TDRD5: variants seen among roughly 807,000 people sequenced by gnomAD.
The protein encoded by TDRD5 is tudor domain-containing protein 5.
TDRD5 carries 41 observed loss-of-function variants against 120.6 expected under a neutral mutation model. The observed-to-expected ratio is 0.34, with a 90% CI of 0.26 to 0.44. The LOEUF is 0.44. TDRD5 is among the 20% of genes least tolerant of loss of function. The pLI is 1.00. For synonymous variants in TDRD5, 430 were observed against 433.7 expected, an observed-to-expected ratio of 0.99 and a Z score of 0.11; for missense variants, 1,006 against 1,221.2, an observed-to-expected ratio of 0.82 and a Z score of 2.63.
intron 17 of TDRD5, 84 bp from the exon 18 acceptor site, chr1:179,690,612 T>C: frequency 1.3e-6 from 2 of 1,521,018 alleles, no homozygotes; most frequent in Non-Finnish European, 1.8e-6. Context: ...GTAACACATA[T>C]TAGTATAGAA....
At chr1:179,631,252 C>A (rs770700208) in intron 7 of TDRD5, among the ~76,000 whole-genome samples, 2 of 151,978 alleles carry the variant, frequency 1.3e-5, no homozygotes, top group African/African-American at 2.4e-5. Context: ...ACTAGCCAGG[C>A]GTGGTGGTGG....
chr1:179,592,572 C>T lies in TDRD5; in HGVS notation c.-14-30C>T, dbSNP rs774281000. On this transcript the variant is annotated intron_variant, in intron 1 of 17. Coordinates refer to ENST00000444136, the MANE Select transcript of TDRD5 (RefSeq NM_001199085.3). ...TAAATCTTTTTTCGTGGGTTTGCCC[C>T]CTTTTCCTCAGCTGCGTTTCTGTCT... 16 of 1,577,784 alleles carry T rather than the reference C, an allele frequency of 1.0e-5. No individual in the cohort carries two copies. In the South Asian group the frequency reaches 1.3e-4, roughly 13 times the overall value.
At chr1:179,689,757 C>T (rs954355234) in intron 17 of TDRD5, among the ~76,000 whole-genome samples, 1 of 152,188 alleles carries the variant, frequency 6.6e-6, no homozygotes, top group Non-Finnish European at 1.5e-5. Context: ...CAATGGCGGG[C>T]ACCCCTCCCC....
At chr1:179,668,064 A>C (rs1321697506) in intron 16 of TDRD5, among the ~76,000 whole-genome samples, 1 of 152,356 alleles carries the variant, frequency 6.6e-6, no homozygotes, top group East Asian at 1.9e-4. Context: ...TGTTAATGCC[A>C]GTTGACATCA....
chr1:179,597,077 G>C, intron 4 of TDRD5, among the ~76,000 whole-genome samples: 1 of 152,082 alleles, frequency 6.6e-6, no homozygotes, highest in East Asian at 1.9e-4. Flanking sequence ...TTTCACATGC[G>C]TGTTTGCCAT....
chr1:179,654,892 T>G (rs922316684), intron 14 of TDRD5, among the ~76,000 whole-genome samples: 3 of 152,216 alleles, frequency 2.0e-5, no homozygotes, highest in Non-Finnish European at 4.4e-5. Flanking sequence ...ATCCTGTGAC[T>G]TGGGGTGGTC....
At chr1:179,646,205 A>T (rs1458059665) in intron 11 of TDRD5, among the ~76,000 whole-genome samples, 1 of 152,226 alleles carries the variant, frequency 6.6e-6, no homozygotes, top group African/African-American at 2.4e-5. Context: ...TATTTTAATG[A>T]TTACTCTAGG....
At chr1:179,631,588 A>G (rs2102001958) in intron 7 of TDRD5, among the ~76,000 whole-genome samples, 1 of 152,306 alleles carries the variant, frequency 6.6e-6, no homozygotes, top group South Asian at 2.1e-4. Context: ...TTTAAAATAA[A>G]CTTTTAATTT....
At position 179,630,795 on chromosome 1, in the gene TDRD5, A is replaced by C. The variant is rs1209054614; in HGVS notation, c.1001A>C (p.Lys334Thr). The C allele has an allele frequency of 1.2e-6, 2 of 1,613,568 alleles. No homozygotes were observed. The highest frequency in any genetic ancestry group is 2.2e-5 in the South Asian group (2 of 90,992). ...EVIFKEQLSP[K>T]KLGFLNVTEL... ...ATTTTTAAAGAGCAACTATCACCAA[A>C]AAAATTAGGCTTCTTAAATGTGACA... The change falls in exon 7 of 18, where the codon AAA becomes ACA. Residue 334 changes from lysine to threonine, a missense_variant. By Grantham distance (78) the Lys-to-Thr change is moderately conservative (BLOSUM62 -1). This residue lies in a region of TDRD5 where 445 missense variants were observed against 515.5 expected (regional missense o/e 0.86). Transcript: ENST00000444136.
At chr1:179,594,522 T>C (rs757494231) in intron 3 of TDRD5, among the ~76,000 whole-genome samples, 3 of 152,252 alleles carry the variant, frequency 2.0e-5, no homozygotes, top group Non-Finnish European at 4.4e-5. Context: ...GCCCATCCAG[T>C]GAATTTCTGC....
At chr1:179,601,454 A>G (rs12565489) in intron 4 of TDRD5, among the ~76,000 whole-genome samples, 5,107 of 152,084 alleles carry the variant, frequency 0.034, 166 homozygotes, top group East Asian at 0.11. Flanking sequence ...AAGTCTTTGT[A>G]TCATTCTTAT....
At chr1:179,620,958 T>G in intron 5 of TDRD5, 77 bp from the exon 6 acceptor site, 1 of 1,150,534 alleles carries the variant, frequency 8.7e-7, no homozygotes, top group Non-Finnish European at 1.2e-6. Context: ...TTTGTTGTTA[T>G]TTGTTTATAT....
At chr1:179,665,087 T>C (rs1022914630) in intron 16 of TDRD5, among the ~76,000 whole-genome samples, 2 of 152,176 alleles carry the variant, frequency 1.3e-5, no homozygotes, top group African/African-American at 2.4e-5. Context: ...TGACAAGATA[T>C]TCAGATCCTT....
intron 17 of TDRD5, among the ~76,000 whole-genome samples, chr1:179,683,769 A>G (rs1160898271): frequency 6.6e-6 from 1 of 152,202 alleles, no homozygotes; most frequent in Non-Finnish European, 1.5e-5. Flanking sequence ...CAGAGTATTC[A>G]AGCAGCTACG....
At chr1:179,609,172 C>T (rs2101939806) in intron 4 of TDRD5, among the ~76,000 whole-genome samples, 1 of 152,176 alleles carries the variant, frequency 6.6e-6, no homozygotes, top group African/African-American at 2.4e-5. Context: ...TCACCAGGAA[C>T]CAAATTGGGT....
In TDRD5 at chr1:179,618,825, A is replaced by G. The variant is rs150750301; in HGVS notation, c.915+143A>G. On this transcript the variant is annotated intron_variant, in intron 5 of 17. Transcript: ENST00000444136. ...TAAGCAACAATTCTTTTAGACTAAG[A>G]AAAAGAAACAAAATACGTACTCCTA... 90 of 549,784 alleles carry G rather than the reference A, an allele frequency of 1.6e-4. No homozygotes were observed. The Middle Eastern group carries it at 1.6e-3, about 10-fold the overall frequency. The allele number at this position is 549,784 out of a possible 1,614,324, so 34.1% of individuals were successfully genotyped here. A position where few individuals can be genotyped will look rare whatever the true frequency, so the allele number is the denominator to read the frequency against.
intron 7 of TDRD5, 65 bp from the exon 8 acceptor site, chr1:179,634,392 T>C (rs1677641851): frequency 6.6e-7 from 1 of 1,513,540 alleles, no homozygotes; most frequent in Non-Finnish European, 8.9e-7. Flanking sequence ...TTAACAAATA[T>C]GCATAGGCTG....
rs185160884 is a variant in TDRD5, at chr1:179,624,210, G to T, written c.972+3119G>T. Reference sequence around the variant, plus strand: ...GATTATTTTGGTAGATGCAGAAAAAGAATTACCAAAATTTAATACCCATCC... The same window carrying T: ...GATTATTTTGGTAGATGCAGAAAAATAATTACCAAAATTTAATACCCATCC... On this transcript the variant is annotated intron_variant, in intron 6 of 17. Transcript: ENST00000444136. 2.7e-4 allele frequency among the ~76,000 whole-genome samples: 41 copies of T among 152,154 alleles called. No homozygotes were observed. The East Asian group carries it at 7.3e-3, about 27-fold the overall frequency.
At chr1:179,608,385 TG>T (rs2101937833) in intron 4 of TDRD5, among the ~76,000 whole-genome samples, 1 of 152,234 alleles carries the variant, frequency 6.6e-6, no homozygotes, top group African/African-American at 2.4e-5. Flanking sequence ...TCTCCTCTTT[TG>T]GAGTACAATC....
Sources: gnomAD v4.1 joint callset for allele counts (sites outside exome capture counted in the v4.1 genomes callset) on GRCh38, gnomAD v4.1.1 for gene constraint, gnomAD v4.1.1 regional missense constraint, MANE v1.5 for transcripts, NCBI Gene and HGNC (gene_info 2026-07-23, HGNC 2026-07-21) for gene names.